Variants in GRK4 observed in about 807,000 individuals in gnomAD.
The protein encoded by GRK4 is G protein-coupled receptor kinase 4.
GRK4 carries 73 observed loss-of-function variants against 77.9 expected under a neutral mutation model. The ratio of observed to expected loss-of-function variants is 0.94; its 90% CI spans 0.78 to 1.14. The LOEUF is 1.14. Ranked by LOEUF, GRK4 falls within the 50% of genes most tolerant of loss-of-function variation. The pLI, the probability that GRK4 is intolerant of heterozygous loss-of-function variation, is 0.00. For synonymous variants in GRK4, 257 were observed against 254.4 expected, an observed-to-expected ratio of 1.01 and a Z score of -0.10; for missense variants, 729 against 700.2, an observed-to-expected ratio of 1.04 and a Z score of -0.46.
intron 1 of GRK4, among the ~76,000 whole-genome samples, chr4:2,983,053 T>C (rs1228254916): frequency 6.6e-6 from 1 of 152,232 alleles, no homozygotes. Context: ...GAGCTCATGA[T>C]CTCAGTTGAA....
chr4:2,966,987 A>C (rs763356964), intron 1 of GRK4: 1 of 152,140 alleles, frequency 6.6e-6, no homozygotes, highest in African/African-American at 2.4e-5. Flanking sequence ...TGGAATTAGG[A>C]GGTGGGGCAT....
chr4:3,002,770 G>A (rs564165422), intron 4 of GRK4, among the ~76,000 whole-genome samples: 2 of 152,140 alleles, frequency 1.3e-5, no homozygotes, highest in East Asian at 3.9e-4. Flanking sequence ...GAGGTAGGAG[G>A]ATTGCATGAG....
At chr4:2,971,968 A>G (rs1305344092) in intron 1 of GRK4, among the ~76,000 whole-genome samples, 2 of 152,214 alleles carry the variant, frequency 1.3e-5, no homozygotes, top group African/African-American at 2.4e-5. Flanking sequence ...AATTGTCTCT[A>G]TAAATACCCT....
intron 1 of GRK4, among the ~76,000 whole-genome samples, chr4:2,972,560 T>C (rs1180447694): frequency 6.6e-6 from 1 of 151,834 alleles, no homozygotes; most frequent in Non-Finnish European, 1.5e-5. Context: ...CTCTCTCTCT[T>C]TAACCTGTGA....
intron 11 of GRK4, among the ~76,000 whole-genome samples, chr4:3,028,935 C>T (rs1738368497): frequency 6.6e-6 from 1 of 152,126 alleles, no homozygotes; most frequent in African/African-American, 2.4e-5. Flanking sequence ...CCATACCTGG[C>T]TAATTTTTGT....
chr4:2,963,713 G>C lies in GRK4; in HGVS notation c.-358G>C, dbSNP rs901364412. 11 of 392,972 alleles carry C rather than the reference G, an allele frequency of 2.8e-5. No homozygotes were observed. Among genetic ancestry groups the C allele is most frequent in the Non-Finnish European group, 4.5e-5 (10 of 220,096 alleles). The allele number at this position is 392,972 out of a possible 1,614,324, so 24.3% of individuals were successfully genotyped here. On this transcript the variant is annotated 5_prime_UTR_variant, in exon 1 of 16. Coordinates refer to ENST00000398052, the MANE Select transcript of GRK4 (RefSeq NM_182982.3). ...CCGAAGTGAGCCACGGCATTGACTC[G>C]GGGCTGCCCGGGGGCAGGGCACTGA...
At chr4:3,037,340 C>T (rs1344034757) in intron 13 of GRK4, 34 bp from the exon 14 acceptor site, 2 of 1,550,160 alleles carry the variant, frequency 1.3e-6, no homozygotes, top group Middle Eastern at 1.7e-4. Flanking sequence ...TTGCTGTAGT[C>T]ATCTCAGAGG....
intron 1 of GRK4, among the ~76,000 whole-genome samples, chr4:2,974,275 A>G (rs1464783632): frequency 1.3e-5 from 2 of 152,158 alleles, no homozygotes; most frequent in Non-Finnish European, 2.9e-5. Context: ...TAAGAGGAGG[A>G]AGTTTTATTT....
intron 14 of GRK4, among the ~76,000 whole-genome samples, 189 bp from the exon 15 acceptor site, chr4:3,038,187 C>T (rs1377016227): frequency 6.6e-6 from 1 of 152,152 alleles, no homozygotes; most frequent in East Asian, 1.9e-4. Flanking sequence ...GGAGAGGAGA[C>T]CACATTACTT....
chr4:3,027,986 A>G lies in GRK4; in HGVS notation c.1045A>G (p.Thr349Ala). The G allele has an allele frequency of 6.2e-7, 1 of 1,614,138 alleles. No individual in the cohort carries two copies. Among genetic ancestry groups the G allele is most frequent in the Non-Finnish European group, 8.5e-7 (1 of 1,179,998 alleles). ...ACAGAGGGTTCGAGGAAGAGTTGGA[A>G]CAGTCGGCTACATGGGTTCGTGAGA... ...EGQRVRGRVG[T>A]VGYMAPEVVN... Residue 349 changes from threonine to alanine, a missense_variant, in exon 11 of 16, where the codon ACA (threonine) becomes GCA (alanine). Thr to Ala is a moderately conservative substitution (Grantham distance 58). Transcript: ENST00000398052.
At chr4:2,991,979 A>G (rs2488816) in intron 3 of GRK4, among the ~76,000 whole-genome samples, 59,760 of 151,474 alleles carry the variant, frequency 0.39, 12,727 homozygotes, top group African/African-American at 0.55. Flanking sequence ...TTGGTCTGTG[A>G]CTCTGAGGAT....
At chr4:3,004,148 T>C (rs992706591) in intron 4 of GRK4, 83 bp from the exon 5 acceptor site, 1 of 1,018,036 alleles carries the variant, frequency 9.8e-7, no homozygotes, top group Non-Finnish European at 1.5e-6. Flanking sequence ...GTGTTTCATT[T>C]TTTTACAATA....
intron 13 of GRK4, among the ~76,000 whole-genome samples, chr4:3,036,263 G>A (rs904697955): frequency 6.6e-5 from 10 of 152,212 alleles, no homozygotes; most frequent in African/African-American, 1.7e-4. Context: ...GCCTGGCCCC[G>A]TACTGAGGAC....
At chr4:2,970,709 G>A (rs926586104) in intron 1 of GRK4, among the ~76,000 whole-genome samples, 22 of 150,368 alleles carry the variant, frequency 1.5e-4, no homozygotes, top group South Asian at 6.3e-4. Context: ...TCGCTCTGTC[G>A]CCCAGGCTGG....
chr4:3,013,121 A>G (rs1473023923), intron 7 of GRK4, among the ~76,000 whole-genome samples: 1 of 151,506 alleles, frequency 6.6e-6, no homozygotes, highest in Non-Finnish European at 1.5e-5. Flanking sequence ...TCGGCTTACT[A>G]CAACCTCTGC....
chr4:3,004,090 C>T (rs150711234), intron 4 of GRK4, 141 bp from the exon 5 acceptor site: 78 of 609,846 alleles, frequency 1.3e-4, no homozygotes, highest in African/African-American at 9.4e-4. Context: ...GAGAGTGGGA[C>T]GGGGTGGAGG....
Position 3,007,827 on chromosome 4 carries a change from A to G in GRK4, c.535A>G (p.Arg179Gly), listed in dbSNP as rs1281084036. The G allele has an allele frequency of 6.2e-7, 1 of 1,602,722 alleles. No homozygotes were observed. ...SQFLQWKWLERQPVTKNTFRH... is the reference protein window; with the variant it reads ...SQFLQWKWLEGQPVTKNTFRH... ...GTTTTTACAATGGAAATGGCTGGAA[A>G]GGTATGTACTGATTTTAAACTTGAT... Residue 179 changes from arginine to glycine, a missense_variant and splice_region_variant, in exon 6 of 16, where the codon AGG (arginine) becomes GGG (glycine). Transcript: ENST00000398052.
intron 6 of GRK4, among the ~76,000 whole-genome samples, chr4:3,008,308 T>A (rs780428113): frequency 1.3e-5 from 2 of 152,216 alleles, no homozygotes; most frequent in Non-Finnish European, 2.9e-5. Flanking sequence ...GGGTGGGACC[T>A]GGCAGTTAAA....
At chr4:2,982,844 A>C (rs1723215483) in intron 1 of GRK4, among the ~76,000 whole-genome samples, 3 of 152,234 alleles carry the variant, frequency 2.0e-5, no homozygotes, top group African/African-American at 7.2e-5. Context: ...CTTCAGTGAC[A>C]TAGGACATGG....
Sources: gnomAD v4.1 joint callset for allele counts (sites outside exome capture counted in the v4.1 genomes callset) on GRCh38, gnomAD v4.1.1 for gene constraint, MANE v1.5 for transcripts, NCBI Gene and HGNC (gene_info 2026-07-23, HGNC 2026-07-21) for gene names.